The following NINJ2 variants were observed in gnomAD, a reference collection of about 807,000 sequenced individuals.
The protein encoded by NINJ2 is ninjurin-2.
NINJ2 carries 12 observed loss-of-function variants against 11.7 expected under a neutral mutation model. That is an observed-to-expected ratio of 1.02 (90% CI 0.66 to 1.66). The LOEUF (loss-of-function observed/expected upper bound fraction) is 1.66, where lower values mean the gene tolerates loss of function less well. NINJ2 is among the 40% of genes most tolerant of loss of function. The pLI, the probability that NINJ2 is intolerant of heterozygous loss-of-function variation, is 0.00. For synonymous variants in NINJ2, 93 were observed against 76.8 expected (o/e 1.21, Z -1.10); for missense variants, 187 against 181.8 (o/e 1.03, Z -0.16).
chr12:619,934 G>A (rs1948133163), intron 1 of NINJ2, among the ~76,000 whole-genome samples: 1 of 152,216 alleles, frequency 6.6e-6, no homozygotes, highest in African/African-American at 2.4e-5. Flanking sequence ...TTAATGGTCA[G>A]GGTTATAGTG....
rs1555162165 is a variant in NINJ2, at chr12:580,596, A to AT, written c.34-14419_34-14418insA. ...AGAGAGACCCTGTCTCAAAAAAAAAAAAATATATATATATATATATCCATT... is the reference window on the plus strand; with the variant it reads ...AGAGAGACCCTGTCTCAAAAAAAAAATAAATATATATATATATATATCCATT... On this transcript the variant is annotated intron_variant, in intron 1 of 3. Coordinates refer to ENST00000305108, the MANE Select transcript of NINJ2 (RefSeq NM_016533.6). This position sits in a 1 kb window ranked among gnomAD's most constrained non-coding sequence, Gnocchi z 4.7. Among the ~76,000 whole-genome samples the AT allele has an allele frequency of 0.013, 1,042 of 77,658 alleles. 34 individuals carry two copies. In the East Asian group the frequency reaches 0.14, roughly 11 times the overall value. 50.9% of individuals were successfully genotyped at this position (77,658 alleles called of 152,430 possible). A position where few individuals can be genotyped will look rare whatever the true frequency, so the allele number is the denominator to read the frequency against.
At chr12:663,254 G>C in intron 1 of NINJ2, 74 bp downstream of exon 1, 1 of 1,363,828 alleles carries the variant, frequency 7.3e-7, no homozygotes, top group Non-Finnish European at 1.0e-6. Context: ...AGTGACTAAA[G>C]TATCAATCCT....
intron 1 of NINJ2, among the ~76,000 whole-genome samples, chr12:583,368 A>G (rs866353470): frequency 6.6e-6 from 1 of 152,176 alleles, no homozygotes. Flanking sequence ...CTGTGCCTTC[A>G]CCCTCTTTCT....
chr12:572,962 T>C (rs1947398934), intron 1 of NINJ2, among the ~76,000 whole-genome samples: 1 of 147,670 alleles, frequency 6.8e-6, no homozygotes, highest in East Asian at 2.0e-4. Flanking sequence ...GTTCAAGCAA[T>C]TCTCCTGCCT....
chr12:603,683 C>T (rs900179147), intron 1 of NINJ2, among the ~76,000 whole-genome samples: 59 of 149,274 alleles, frequency 4.0e-4, no homozygotes, highest in African/African-American at 1.2e-3. Context: ...TTTTTTGAGA[C>T]GGAGTCTCAG....
chr12:573,011 C>A (rs1445010499), intron 1 of NINJ2, among the ~76,000 whole-genome samples: 1 of 149,976 alleles, frequency 6.7e-6, no homozygotes, highest in African/African-American at 2.5e-5. Flanking sequence ...TGTGTGCCAC[C>A]ACACCCAGCT....
At chr12:610,309 G>A (rs891548245) in intron 1 of NINJ2, 4 of 1,517,376 alleles carry the variant, frequency 2.6e-6, no homozygotes, top group Non-Finnish European at 3.5e-6. Context: ...ACCCAGTGCT[G>A]AGCTGGTGAA....
At chr12:598,784 C>T (rs967788400) in intron 1 of NINJ2, among the ~76,000 whole-genome samples, 13 of 152,030 alleles carry the variant, frequency 8.6e-5, no homozygotes, top group Admixed American at 3.9e-4. Flanking sequence ...ACTGGAGCCC[C>T]GACTTCCTGG....
At chr12:618,012 A>C (rs1476755962) in intron 1 of NINJ2, among the ~76,000 whole-genome samples, 1 of 151,936 alleles carries the variant, frequency 6.6e-6, no homozygotes, top group East Asian at 1.9e-4. Context: ...GAAAGGGATA[A>C]GGGGGGATTC....
intron 1 of NINJ2, among the ~76,000 whole-genome samples, chr12:613,253 T>A (rs1948055447): frequency 6.6e-6 from 1 of 152,150 alleles, no homozygotes; most frequent in African/African-American, 2.4e-5. Context: ...AAAATGAAAA[T>A]GTATCCTTTT....
intron 1 of NINJ2, among the ~76,000 whole-genome samples, chr12:608,623 G>A (rs1441074383): frequency 4.6e-5 from 7 of 152,212 alleles, no homozygotes; most frequent in Non-Finnish European, 1.0e-4. Context: ...CCGTGACACA[G>A]GGACAGCCTG....
intron 1 of NINJ2, among the ~76,000 whole-genome samples, chr12:596,841 G>T (rs1344169086): frequency 6.6e-6 from 1 of 151,744 alleles, no homozygotes; most frequent in Admixed American, 6.6e-5. Flanking sequence ...AGGATCACTT[G>T]AGCCCAGGAA....
At chr12:607,006 A>G (rs2120926519) in intron 1 of NINJ2, among the ~76,000 whole-genome samples, 1 of 152,334 alleles carries the variant, frequency 6.6e-6, no homozygotes, top group Middle Eastern at 3.4e-3. Flanking sequence ...CCCGGCTGCA[A>G]TCCTGTCCTT....
intron 1 of NINJ2, among the ~76,000 whole-genome samples, chr12:571,814 G>T: frequency 6.6e-6 from 1 of 152,226 alleles, no homozygotes; most frequent in East Asian, 1.9e-4. Context: ...AGATCATTCT[G>T]CTCTTTCTTG....
At chr12:660,296 A>C (rs945745135) in intron 1 of NINJ2, among the ~76,000 whole-genome samples, 1 of 150,348 alleles carries the variant, frequency 6.7e-6, no homozygotes, top group African/African-American at 2.4e-5. Flanking sequence ...TGTTAAAAAA[A>C]AAAAAAAAAA....
intron 1 of NINJ2, among the ~76,000 whole-genome samples, chr12:611,255 C>CTT (rs1555165040): frequency 0.026 from 1,874 of 71,230 alleles, 49 homozygotes; most frequent in African/African-American, 0.11. Context: ...TTCTCTCTCT[C>CTT]TCTTTCTTTC....
At chr12:623,933 G>A (rs1948183743) in intron 1 of NINJ2, among the ~76,000 whole-genome samples, 1 of 152,196 alleles carries the variant, frequency 6.6e-6, no homozygotes. Flanking sequence ...CTGCTCAGAA[G>A]GCAGAGGTAG....
intron 1 of NINJ2, among the ~76,000 whole-genome samples, chr12:606,534 A>G (rs1318059629): frequency 6.6e-5 from 10 of 152,176 alleles, no homozygotes; most frequent in African/African-American, 2.4e-4. Flanking sequence ...TGAATGAGGA[A>G]CAACTCACCC....
At chr12:584,009 T>C (rs1947597834) in intron 1 of NINJ2, among the ~76,000 whole-genome samples, 1 of 152,210 alleles carries the variant, frequency 6.6e-6, no homozygotes, top group South Asian at 2.1e-4. Context: ...ATTATTTTCT[T>C]TTTTTGCTTT....
Sources: allele counts gnomAD v4.1 joint callset (sites outside exome capture counted in the v4.1 genomes callset), GRCh38; gene constraint gnomAD v4.1.1; non-coding constraint Gnocchi (gnomAD v3.1); transcripts MANE v1.5; gene names NCBI Gene and HGNC (gene_info 2026-07-23, HGNC 2026-07-21).